The following FAT3 variants were observed in gnomAD, a reference collection of about 807,000 sequenced individuals.
The protein encoded by FAT3 is FAT atypical cadherin 3, also known as protocadherin Fat 3.
A neutral mutation model predicts 310.2 loss-of-function variants in FAT3; 95 were observed. That is an observed-to-expected ratio of 0.31 (90% CI 0.26 to 0.36). The LOEUF is 0.36. Among genes scored for constraint, FAT3 ranks in the 10% least tolerant of loss-of-function variants. The probability of loss-of-function intolerance (pLI) is 1.00; values close to 1 mark genes in which losing one functional copy is unlikely to be tolerated. For synonymous variants in FAT3, 2,314 were observed against 2,192.9 expected, an observed-to-expected ratio of 1.06 and a Z score of -1.54; for missense variants, 5,408 against 5,715.6, an observed-to-expected ratio of 0.95 and a Z score of 1.74.
chr11:92,359,389 A>G (rs578208189), intron 2 of FAT3, among the ~76,000 whole-genome samples: 72 of 152,278 alleles, frequency 4.7e-4, no homozygotes, highest in African/African-American at 1.7e-3. Context: ...ATCTATTTCT[A>G]TGCTTCAGTA....
intron 4 of FAT3, among the ~76,000 whole-genome samples, chr11:92,714,421 T>C (rs1944613158): frequency 6.6e-6 from 1 of 152,008 alleles, no homozygotes; most frequent in Non-Finnish European, 1.5e-5. Flanking sequence ...CTTCCCACAC[T>C]AAAACACTGA....
intron 22 of FAT3, among the ~76,000 whole-genome samples, chr11:92,878,529 T>C (rs1215236281): frequency 6.9e-6 from 1 of 144,770 alleles, no homozygotes; most frequent in Non-Finnish European, 1.5e-5. Flanking sequence ...GAAAAGCAAC[T>C]TGGAAAAAAC....
chr11:92,844,401 C>CAT lies in FAT3; in HGVS notation c.11035_11036insTA (p.Thr3679IlefsTer41). On this transcript the variant is annotated frameshift_variant, in exon 19 of 28. Coordinates refer to ENST00000525166, the MANE Select transcript of FAT3 (RefSeq NM_001367949.2). LOFTEE classifies it high-confidence loss of function. ...GGCGCACCCTGCGGAATGCAGTCCT[C>CAT]ACCCAGAAGCAGGACAGCCTGCGCA... The CAT allele has an allele frequency of 6.2e-7, 1 of 1,613,956 alleles. No individual in the cohort carries two copies. The highest frequency in any genetic ancestry group is 8.5e-7 in the Non-Finnish European group (1 of 1,179,898).
chr11:92,806,288 C>A, intron 11 of FAT3, 74 bp from the exon 12 acceptor site: 2 of 1,286,346 alleles, frequency 1.6e-6, no homozygotes, highest in South Asian at 1.5e-5. Context: ...TAAAGAAATC[C>A]TATATAATGC....
chr11:92,520,578 T>G (rs561314549), intron 2 of FAT3, among the ~76,000 whole-genome samples: 3 of 152,146 alleles, frequency 2.0e-5, no homozygotes, highest in Non-Finnish European at 4.4e-5. Flanking sequence ...CCTTGGTCAA[T>G]CTTAAAAGTG....
At chr11:92,288,117 C>T (rs192501932) in intron 1 of FAT3, among the ~76,000 whole-genome samples, 11 of 152,062 alleles carry the variant, frequency 7.2e-5, no homozygotes, top group African/African-American at 2.2e-4. Flanking sequence ...ATGATATGTA[C>T]GTACAGTAGA....
chr11:92,354,897 G>A lies in FAT3; in HGVS notation c.2785G>A (p.Val929Ile). The change falls in exon 2 of 28, where the codon GTC becomes ATC. Residue 929 changes from valine to isoleucine, a missense_variant. Physicochemically the swap from Val to Ile is conservative, Grantham distance 29. Around this residue, in one of 5 missense-constraint regions of FAT3, gnomAD observed 4,588 missense variants for 4,809.8 expected, o/e 0.95. Coordinates refer to ENST00000525166, the MANE Select transcript of FAT3 (RefSeq NM_001367949.2). ...VVTLKVFLDD[V>I]NDCSPAFIPS... is the part of the protein sequence containing the mutation. ...CACTCTTAAAGTTTTTTTAGATGATGTCAATGACTGCTCCCCAGCTTTCAT... is the reference window on the plus strand; with the variant it reads ...CACTCTTAAAGTTTTTTTAGATGATATCAATGACTGCTCCCCAGCTTTCAT... 6.2e-7 allele frequency: 1 copy of A among 1,613,894 alleles called. No individual in the cohort carries two copies. The highest frequency in any genetic ancestry group is 1.6e-4 in the Middle Eastern group (1 of 6,062).
intron 2 of FAT3, among the ~76,000 whole-genome samples, chr11:92,393,095 A>G (rs559998275): frequency 6.6e-6 from 1 of 152,112 alleles, no homozygotes; most frequent in Non-Finnish European, 1.5e-5. Context: ...CCTAAATGTC[A>G]GTTATGTAGG....
Position 92,798,845 on chromosome 11 carries a change from C to T in FAT3, c.5832C>T (p.Asn1944=). ...SNSGVLTIKN[N]NLSKDHYMLI... is the part of the protein sequence containing the mutation. ...GTGGAGTACTTACCATAAAAAACAACAACCTCTCCAAGGATCACTACATGC... is the reference window on the plus strand; with the variant it reads ...GTGGAGTACTTACCATAAAAAACAATAACCTCTCCAAGGATCACTACATGC... Residue 1944 remains asparagine (N), a synonymous_variant, in exon 10 of 28, where the codon AAC becomes AAT. Coordinates refer to ENST00000525166, the MANE Select transcript of FAT3 (RefSeq NM_001367949.2). 1 of 1,613,906 alleles carries T rather than the reference C, an allele frequency of 6.2e-7. No individual in the cohort carries two copies. Among genetic ancestry groups the T allele is most frequent in the Non-Finnish European group, 8.5e-7 (1 of 1,179,850 alleles).
At chr11:92,658,550 C>T (rs1942661272) in intron 3 of FAT3, among the ~76,000 whole-genome samples, 2 of 152,242 alleles carry the variant, frequency 1.3e-5, no homozygotes, top group Non-Finnish European at 2.9e-5. Flanking sequence ...TGAATGACCT[C>T]TACCTTGCTC....
chr11:92,813,002 TTTTCC>T (rs1235147189), intron 13 of FAT3, among the ~76,000 whole-genome samples: 19 of 152,164 alleles, frequency 1.2e-4, no homozygotes, highest in African/African-American at 4.1e-4. Context: ...TATGAGGGGC[TTTTCC>T]CCCTTTTGTT....
At position 92,355,066 on chromosome 11, in the gene FAT3, T is replaced by C. The variant is rs1948693714; in HGVS notation, c.2954T>C (p.Ile985Thr). 2 of 1,613,698 alleles carry C rather than the reference T, an allele frequency of 1.2e-6. No homozygotes were observed. Among genetic ancestry groups the C allele is most frequent in the South Asian group, 2.2e-5 (2 of 91,068 alleles). ...LVNDYNGRFE[I>T]DKASGAIRLS... is the part of the protein sequence containing the mutation. ...AATGACTATAATGGGAGATTTGAAATAGATAAAGCAAGTGGTGCCATCCGC... is the reference window on the plus strand; with the variant it reads ...AATGACTATAATGGGAGATTTGAAACAGATAAAGCAAGTGGTGCCATCCGC... The change falls in exon 2 of 28, where the codon ATA becomes ACA. Residue 985 changes from isoleucine to threonine, a missense_variant. By Grantham distance (89) the Ile-to-Thr change is moderately conservative. Transcript: ENST00000525166.
Position 92,355,264 on chromosome 11 carries a change from C to T in FAT3, c.3152C>T (p.Ser1051Phe), listed in dbSNP as rs767315696. The T allele has an allele frequency of 1.2e-6, 2 of 1,613,772 alleles. No individual in the cohort carries two copies. The highest frequency in any genetic ancestry group is 1.1e-5 in the South Asian group (1 of 91,074). The change falls in exon 2 of 28, where the codon TCT becomes TTT. Residue 1051 changes from serine (S) to phenylalanine (F), a missense_variant. Coordinates refer to ENST00000525166, the MANE Select transcript of FAT3 (RefSeq NM_001367949.2). ...TTCCCAGACTTTGCTGTTGTTGGAT[C>T]TGTAAAGGAAAACTCACGCATTGGA... Reference protein sequence around the residue: ...PYFPDFAVVGSVKENSRIGTS... With the variant: ...PYFPDFAVVGFVKENSRIGTS...
intron 3 of FAT3, among the ~76,000 whole-genome samples, chr11:92,618,159 T>C (rs1940907924): frequency 6.6e-6 from 1 of 152,176 alleles, no homozygotes; most frequent in South Asian, 2.1e-4. Flanking sequence ...CCACTTTGTT[T>C]ACCTACTCAA....
chr11:92,414,273 T>C (rs1423028794), intron 2 of FAT3, among the ~76,000 whole-genome samples: 2 of 152,162 alleles, frequency 1.3e-5, no homozygotes, highest in Admixed American at 6.5e-5. Flanking sequence ...CAATTCATGA[T>C]TGAGGAACTA....
intron 3 of FAT3, among the ~76,000 whole-genome samples, chr11:92,651,996 G>A (rs149135474): frequency 8.8e-4 from 134 of 152,264 alleles, no homozygotes; most frequent in African/African-American, 3.0e-3. Flanking sequence ...TAAACACTTT[G>A]AAGGTAAAGG....
intron 2 of FAT3, among the ~76,000 whole-genome samples, chr11:92,494,314 G>C (rs543683693): frequency 6.6e-6 from 1 of 151,920 alleles, no homozygotes; most frequent in Admixed American, 6.6e-5. Context: ...GTATCATGTG[G>C]CTACTATCAT....
intron 2 of FAT3, among the ~76,000 whole-genome samples, chr11:92,434,986 G>A (rs1950892684): frequency 6.6e-6 from 1 of 152,126 alleles, no homozygotes; most frequent in Non-Finnish European, 1.5e-5. Context: ...GATTTTATTA[G>A]GGGCTTGCAT....
At chr11:92,477,041 T>G (rs1310782511) in intron 2 of FAT3, among the ~76,000 whole-genome samples, 1 of 152,246 alleles carries the variant, frequency 6.6e-6, no homozygotes, top group African/African-American at 2.4e-5. Flanking sequence ...TGGAAATTCC[T>G]CCATATGCTA....
Sources: allele counts gnomAD v4.1 joint callset (sites outside exome capture counted in the v4.1 genomes callset), GRCh38; gene constraint gnomAD v4.1.1; regional missense constraint gnomAD v4.1.1; transcripts MANE v1.5; gene names NCBI Gene and HGNC (gene_info 2026-07-23, HGNC 2026-07-21).